The following CR1L variants were observed in gnomAD, a reference collection of about 807,000 sequenced individuals.
The protein encoded by CR1L is complement component receptor 1-like protein.
CR1L carries 59 observed loss-of-function variants against 62.3 expected under a neutral mutation model. The observed-to-expected ratio is 0.95, with a 90% CI of 0.77 to 1.18. The LOEUF (loss-of-function observed/expected upper bound fraction) is 1.18. Among genes scored for constraint, CR1L ranks in the 50% most tolerant of loss-of-function variants. CR1L has a pLI of 0.00. For missense variants in CR1L, 700 were observed against 702.8 expected (o/e 1.00, Z 0.04); for synonymous variants, 279 against 248.7 (o/e 1.12, Z -1.15).
At chr1:207,693,831 G>A (rs11118387) in intron 4 of CR1L, among the ~76,000 whole-genome samples, 67,479 of 151,514 alleles carry the variant, frequency 0.45, 15,786 homozygotes, top group East Asian at 0.65. Flanking sequence ...GGCAATTTAT[G>A]TTTCCATTTA....
chr1:207,719,274 A>G (rs201003121), intron 11 of CR1L, among the ~76,000 whole-genome samples: 2 of 111,434 alleles, frequency 1.8e-5, no homozygotes, highest in South Asian at 5.4e-4. Context: ...AAAAAAAAAC[A>G]TTAAAAAAAA....
intron 3 of CR1L, among the ~76,000 whole-genome samples, chr1:207,680,851 A>G (rs1177288184): frequency 3.9e-5 from 6 of 152,184 alleles, no homozygotes; most frequent in African/African-American, 1.2e-4. Context: ...TATGTAACCA[A>G]TCAAAGTGAT....
intron 1 of CR1L, chr1:207,669,712 C>G: frequency 1.8e-6 from 1 of 564,922 alleles, no homozygotes; most frequent in South Asian, 2.2e-5. Flanking sequence ...CGCTACCTGG[C>G]AGGGCGGCGG....
intron 4 of CR1L, among the ~76,000 whole-genome samples, chr1:207,693,995 A>G (rs1300516428): frequency 6.6e-6 from 1 of 152,052 alleles, no homozygotes; most frequent in Admixed American, 6.5e-5. Flanking sequence ...AGGTTTTTAT[A>G]TTTTATTTTT....
At chr1:207,655,505 G>C (rs962550968) in intron 1 of CR1L, among the ~76,000 whole-genome samples, 3 of 152,140 alleles carry the variant, frequency 2.0e-5, no homozygotes, top group Admixed American at 6.5e-5. Flanking sequence ...GAGGGTACCA[G>C]TATGTTTCCC....
At chr1:207,704,358 GTGGAGTCTCTTCC>G (rs1274973299) in intron 9 of CR1L, among the ~76,000 whole-genome samples, 2 of 152,176 alleles carry the variant, frequency 1.3e-5, no homozygotes, top group Non-Finnish European at 2.9e-5. Flanking sequence ...GATTTTTGAG[GTGGAGTCTCTTCC>G]TGGTGAAGAT....
intron 11 of CR1L, among the ~76,000 whole-genome samples, chr1:207,722,651 G>A (rs1654164302): frequency 6.6e-6 from 1 of 151,782 alleles, no homozygotes; most frequent in South Asian, 2.1e-4. Context: ...TTTTTAAATT[G>A]TCCATTAAAT....
intron 1 of CR1L, among the ~76,000 whole-genome samples, chr1:207,662,635 C>T (rs1663443616): frequency 6.6e-6 from 1 of 152,214 alleles, no homozygotes; most frequent in Non-Finnish European, 1.5e-5. Flanking sequence ...CTGAAGCCTT[C>T]TTCTCTCAAC....
At chr1:207,646,225 C>A (rs184601475) in intron 1 of CR1L, among the ~76,000 whole-genome samples, 1 of 152,220 alleles carries the variant, frequency 6.6e-6, no homozygotes, top group East Asian at 1.9e-4. Flanking sequence ...TCCTTCTTTT[C>A]ATTAGTTTGA....
intron 1 of CR1L, chr1:207,657,403 G>C: frequency 1.6e-6 from 1 of 641,200 alleles, no homozygotes; most frequent in Non-Finnish European, 2.8e-6. Flanking sequence ...AATAAAGCAG[G>C]TGTATGTGCT....
chr1:207,703,985 A>G (rs886307910), intron 9 of CR1L, among the ~76,000 whole-genome samples: 1 of 152,068 alleles, frequency 6.6e-6, no homozygotes, highest in African/African-American at 2.4e-5. Flanking sequence ...AAAGGAAAAA[A>G]AAATACATTT....
chr1:207,648,310 C>T (rs1663168236), intron 1 of CR1L, among the ~76,000 whole-genome samples: 1 of 150,080 alleles, frequency 6.7e-6, no homozygotes, highest in Non-Finnish European at 1.5e-5. Context: ...GAATAGGGTG[C>T]AACATGGAAG....
At chr1:207,690,084 T>G (rs1421838974) in intron 4 of CR1L, among the ~76,000 whole-genome samples, 1 of 152,068 alleles carries the variant, frequency 6.6e-6, no homozygotes, top group Non-Finnish European at 1.5e-5. Context: ...TGTTTTTTCT[T>G]TAAAGTGTGA....
At position 207,672,368 on chromosome 1, in the gene CR1L, C is replaced by A. The variant is rs56051908; in HGVS notation, c.98-5021C>A. On this transcript the variant is annotated intron_variant, in intron 1 of 11. Transcript: ENST00000508064. ...AATATGTATCCATCTGACAGAGAAA[C>A]AAAATATGTGGGGCAAAGCTGATAG... Among the ~76,000 whole-genome samples, 1,148 of 150,386 alleles carry A rather than the reference C, an allele frequency of 7.6e-3. 22 individuals are homozygous for A. Among genetic ancestry groups the A allele is most frequent in the Non-Finnish European group, 0.011 (752 of 67,884 alleles).
chr1:207,663,743 AGCT>A (rs144018165), intron 1 of CR1L, among the ~76,000 whole-genome samples: 26,944 of 152,110 alleles, frequency 0.18, 2,981 homozygotes, highest in Non-Finnish European at 0.26. Context: ...TGTAGACTGG[AGCT>A]GTTCCTATTC....
intron 3 of CR1L, among the ~76,000 whole-genome samples, chr1:207,680,914 T>C (rs1223413250): frequency 6.6e-6 from 1 of 152,328 alleles, no homozygotes; most frequent in African/African-American, 2.4e-5. Context: ...AATTTCTCTG[T>C]CTCTGCCTAT....
intron 8 of CR1L, among the ~76,000 whole-genome samples, chr1:207,700,391 A>T (rs1015927001): frequency 6.6e-6 from 1 of 152,284 alleles, no homozygotes; most frequent in East Asian, 1.9e-4. Flanking sequence ...TATTTTTCAT[A>T]ACTCTGGTAG....
chr1:207,659,725 G>T (rs896959286), intron 1 of CR1L, among the ~76,000 whole-genome samples: 5 of 152,178 alleles, frequency 3.3e-5, no homozygotes, highest in Non-Finnish European at 7.3e-5. Flanking sequence ...GAAGTACAAA[G>T]GGTCAGGGGA....
chr1:207,658,038 T>C (rs1663345346), intron 1 of CR1L, among the ~76,000 whole-genome samples: 1 of 152,020 alleles, frequency 6.6e-6, no homozygotes, highest in East Asian at 1.9e-4. Context: ...AATCCATGCA[T>C]AAAAATAGTA....
Sources: gnomAD v4.1 joint callset for allele counts (sites outside exome capture counted in the v4.1 genomes callset) on GRCh38, gnomAD v4.1.1 for gene constraint, MANE v1.5 for transcripts, NCBI Gene and HGNC (gene_info 2026-07-23, HGNC 2026-07-21) for gene names.